The following IK variants were observed in gnomAD, a reference collection of about 807,000 sequenced individuals.
IK encodes the protein protein Red.
A neutral mutation model predicts 90.9 loss-of-function variants in IK; 47 were observed. That is an observed-to-expected ratio of 0.52 (90% confidence interval 0.41 to 0.66). The LOEUF is 0.66. Among genes scored for constraint, IK ranks in the 30% least tolerant of loss-of-function variants. The pLI is 0.00. For synonymous variants in IK, 201 were observed against 227.5 expected, an observed-to-expected ratio of 0.88 and a Z score of 1.05; for missense variants, 385 against 709.3, an observed-to-expected ratio of 0.54 and a Z score of 5.19.
chr5:140,657,053 A>G (rs888593173), intron 9 of IK, among the ~76,000 whole-genome samples: 2 of 152,138 alleles, frequency 1.3e-5, no homozygotes, highest in African/African-American at 4.8e-5. Context: ...TCTACTAAAA[A>G]TTAGCCAGGC....
intron 9 of IK, among the ~76,000 whole-genome samples, chr5:140,656,557 T>G (rs200551427): frequency 6.6e-6 from 1 of 152,202 alleles, no homozygotes; most frequent in Non-Finnish European, 1.5e-5. Flanking sequence ...CACTCTGATT[T>G]GTTATTATAT....
At chr5:140,659,926 CT>C in intron 14 of IK, 92 bp downstream of exon 14, 1 of 993,494 alleles carries the variant, frequency 1.0e-6, no homozygotes, top group Non-Finnish European at 1.6e-6. Context: ...TACCCTGCCC[CT>C]CTCCTTCCCT....
chr5:140,651,610 A>G, intron 2 of IK, 104 bp from the exon 3 acceptor site: 3 of 659,270 alleles, frequency 4.6e-6, no homozygotes, highest in Non-Finnish European at 8.0e-6. Flanking sequence ...CTTTGTTTTA[A>G]TTTGTATTTC....
chr5:140,658,872 A>T, intron 11 of IK, 67 bp from the exon 12 acceptor site: 1 of 1,602,350 alleles, frequency 6.2e-7, no homozygotes, highest in Non-Finnish European at 8.5e-7. Flanking sequence ...GAGAATCTGG[A>T]GAAATGGTCA....
chr5:140,648,761 G>C, intron 2 of IK: 2 of 530,210 alleles, frequency 3.8e-6, no homozygotes, highest in Non-Finnish European at 6.7e-6. Context: ...TTTTTTATAC[G>C]TGTTGTGTAA....
chr5:140,655,859 G>C lies in IK; in HGVS notation c.668G>C (p.Ser223Thr). Residue 223 changes from serine to threonine, a missense_variant, in exon 9 of 20, where the codon AGC becomes ACC. By Grantham distance (58) the Ser-to-Thr change is moderately conservative (BLOSUM62 1). Around this residue, in one of 8 missense-constraint regions of IK, gnomAD observed 46 missense variants for 50.0 expected, o/e 0.92. Transcript: ENST00000417647. The stretch of plus-strand genomic sequence containing the variant: ...AATGTTTACCGAATGCTTTTTAAGA[G>C]CAAAGCATATGAGCGGAATGAGTTG... The part of the protein sequence containing the change: ...GRNVYRMLFK[S>T]KAYERNELFL... 1 of 1,610,282 alleles carries C rather than the reference G, an allele frequency of 6.2e-7. No homozygotes were observed. The highest frequency in any genetic ancestry group is 8.5e-7 in the Non-Finnish European group (1 of 1,178,194).
In IK at chr5:140,661,426, A is replaced by G. The variant is rs930831707; in HGVS notation, c.1414-194A>G. ...ATAGATTTTATGAGAATTAAGTGAGATATGCATTTAGTGTACAGAATAATG... is the reference window on the plus strand; with the variant it reads ...ATAGATTTTATGAGAATTAAGTGAGGTATGCATTTAGTGTACAGAATAATG... On this transcript the variant is annotated intron_variant, in intron 16 of 19. Transcript: ENST00000417647. This position sits in a 1 kb window ranked among gnomAD's most constrained non-coding sequence, Gnocchi z 4.2. 5 of 562,818 alleles carry G rather than the reference A, an allele frequency of 8.9e-6. No homozygotes were observed. Among genetic ancestry groups the G allele is most frequent in the Admixed American group, 7.0e-5 (2 of 28,572 alleles). The allele number at this position is 562,818 out of a possible 1,614,324, so 34.9% of individuals were successfully genotyped here. A position where few individuals can be genotyped will look rare whatever the true frequency, so the allele number is the denominator to read the frequency against.
At chr5:140,648,393 C>T in intron 1 of IK, 78 bp from the exon 2 acceptor site, 1 of 1,268,104 alleles carries the variant, frequency 7.9e-7, no homozygotes. Context: ...CTGTATTGTT[C>T]ACTACTATAT....
At position 140,662,166 on chromosome 5, in the gene IK, G is replaced by A. The variant is rs748107696; in HGVS notation, c.1612-13G>A. 3 of 1,613,896 alleles carry A rather than the reference G, an allele frequency of 1.9e-6. No homozygotes were observed. Among genetic ancestry groups the A allele is most frequent in the Non-Finnish European group, 2.5e-6 (3 of 1,179,844 alleles). On this transcript the variant is annotated splice_polypyrimidine_tract_variant and intron_variant, in intron 18 of 19. Coordinates refer to ENST00000417647, the MANE Select transcript of IK (RefSeq NM_006083.4). ...GGGCAGCTTGGTGATAGACTATCCT[G>A]TTGTTTTTGCAGATCATTGAGAAGA...
chr5:140,648,684 G>C (rs1757546003), intron 2 of IK, 147 bp downstream of exon 2: 14 of 789,630 alleles, frequency 1.8e-5, no homozygotes, highest in South Asian at 1.5e-5. Flanking sequence ...GCCTTAACTG[G>C]ATCAGGCCAA....
intron 2 of IK, among the ~76,000 whole-genome samples, chr5:140,650,155 A>G (rs1041429237): frequency 1.3e-5 from 2 of 152,176 alleles, no homozygotes; most frequent in Admixed American, 6.5e-5. Flanking sequence ...AGTTGCTTTT[A>G]GTAATTTTCT....
intron 15 of IK, 164 bp downstream of exon 15, chr5:140,660,359 A>G (rs1206104006): frequency 5.4e-6 from 3 of 551,444 alleles, no homozygotes; most frequent in East Asian, 6.1e-5. Flanking sequence ...ATGCAATGGT[A>G]TAATCTCTGC....
intron 10 of IK, 31 bp downstream of exon 10, chr5:140,657,693 C>G: frequency 7.0e-7 from 1 of 1,420,402 alleles, no homozygotes; most frequent in Non-Finnish European, 9.9e-7. Flanking sequence ...AGAAGCCTTA[C>G]CCACAGAGGA....
At chr5:140,648,056 G>C (rs1757521298) in intron 1 of IK, 132 bp downstream of exon 1, 2 of 956,976 alleles carry the variant, frequency 2.1e-6, no homozygotes, top group Non-Finnish European at 3.3e-6. Flanking sequence ...ATGTATGTAT[G>C]TGTGACGCTT....
Position 140,653,007 on chromosome 5 carries a change from T to A in IK, c.267T>A (p.Ile89=), listed in dbSNP as rs1561974320. ...SYYAKLRQQE[I]ERERELAEKY... is the part of the protein sequence containing the mutation. ...ATGCCAAGCTACGCCAACAAGAAAT[T>A]GAGAGAGAGAGAGAGCTAGCAGAGA... Residue 89 remains isoleucine, a synonymous_variant, in exon 5 of 20, where the codon ATT becomes ATA. Transcript: ENST00000417647. 3 of 1,604,056 alleles carry A rather than the reference T, an allele frequency of 1.9e-6. No individual in the cohort carries two copies. The South Asian group carries it at 3.3e-5, about 18-fold the overall frequency.
rs1264360561 is a variant in IK, at chr5:140,661,793, T to C, written c.1502+85T>C. The C allele has an allele frequency of 4.3e-6, 6 of 1,404,734 alleles. No homozygotes were observed. The African/African-American group carries it at 7.1e-5, about 17-fold the overall frequency. The allele number at this position is 1,404,734 out of a possible 1,614,324, so 87.0% of individuals were successfully genotyped here. ...GTGCATATAAGGTTAGAGGGTGTGG[T>C]CTGGCTGAGATGTTCCCCACTAAGT... is the stretch of plus-strand genomic sequence containing the variant. On this transcript the variant is annotated intron_variant, in intron 17 of 19. Coordinates refer to ENST00000417647, the MANE Select transcript of IK (RefSeq NM_006083.4). This position sits in a 1 kb window ranked among gnomAD's most constrained non-coding sequence, Gnocchi z 4.2.
At chr5:140,651,987 A>T in intron 3 of IK, 101 bp from the exon 4 acceptor site, 1 of 948,524 alleles carries the variant, frequency 1.1e-6, no homozygotes, top group East Asian at 2.4e-5. Flanking sequence ...TGTTACTTTG[A>T]TCAGTATTCT....
intron 12 of IK, 53 bp from the exon 13 acceptor site, chr5:140,659,262 T>TGA (rs1157856160): frequency 6.2e-7 from 1 of 1,613,384 alleles, no homozygotes; most frequent in Non-Finnish European, 8.5e-7. Flanking sequence ...GGGGGAGGGA[T>TGA]GAGTAGGAAT....
rs1386334218 is a variant in IK, at chr5:140,660,877, C to T, written c.1413+62C>T. On this transcript the variant is annotated intron_variant, in intron 16 of 19. Coordinates refer to ENST00000417647, the MANE Select transcript of IK (RefSeq NM_006083.4). ...GTTATTATTTGTTTTACATGTATCT[C>T]CTTCCCCACTCCTAAAAAATCTATC... 11 of 1,255,704 alleles carry T rather than the reference C, an allele frequency of 8.8e-6. 1 individual carries two copies. The Admixed American group carries it at 1.7e-4, about 19-fold the overall frequency. The allele number at this position is 1,255,704 out of a possible 1,614,324, so 77.8% of individuals were successfully genotyped here. A position where few individuals can be genotyped will look rare whatever the true frequency, so the allele number is the denominator to read the frequency against.
Sources: allele counts gnomAD v4.1 joint callset (sites outside exome capture counted in the v4.1 genomes callset), GRCh38; gene constraint gnomAD v4.1.1; regional missense constraint gnomAD v4.1.1; non-coding constraint Gnocchi (gnomAD v3.1); transcripts MANE v1.5; gene names NCBI Gene and HGNC (gene_info 2026-07-23, HGNC 2026-07-21).